CHRM3: variants seen among roughly 807,000 people sequenced by gnomAD.
CHRM3 encodes the protein cholinergic receptor muscarinic 3.
Under a neutral mutation model 41.8 loss-of-function variants are expected in CHRM3, and 11 were observed. The observed-to-expected ratio is 0.26, with a 90% confidence interval of 0.17 to 0.44. The LOEUF (loss-of-function observed/expected upper bound fraction) is 0.44, where lower values mean the gene tolerates loss of function less well. Among genes scored for constraint, CHRM3 ranks in the 20% least tolerant of loss-of-function variants. CHRM3 has a pLI of 1.00. For missense variants in CHRM3, 571 were observed against 745.4 expected (o/e 0.77, Z 2.72); for synonymous variants, 297 against 301.4 (o/e 0.99, Z 0.15).
At chr1:239,844,550 C>A (rs1445529499) in intron 6 of CHRM3, among the ~76,000 whole-genome samples, 4 of 152,142 alleles carry the variant, frequency 2.6e-5, no homozygotes, top group Non-Finnish European at 5.9e-5. Context: ...CAATAGATGA[C>A]ATTTTAACTC....
At chr1:239,561,251 G>C (rs1353029609) in intron 3 of CHRM3, among the ~76,000 whole-genome samples, 2 of 152,142 alleles carry the variant, frequency 1.3e-5, no homozygotes, top group Non-Finnish European at 2.9e-5. Context: ...ACACTCCTTT[G>C]CTTAAAATCC....
intron 5 of CHRM3, among the ~76,000 whole-genome samples, chr1:239,691,594 C>A (rs1659725188): frequency 6.6e-6 from 1 of 152,110 alleles, no homozygotes; most frequent in Non-Finnish European, 1.5e-5. Flanking sequence ...GGCCCTCACG[C>A]CTATCTGGAG....
intron 3 of CHRM3, among the ~76,000 whole-genome samples, chr1:239,589,324 T>A (rs1572815058): frequency 6.6e-6 from 1 of 152,064 alleles, no homozygotes; most frequent in East Asian, 2.0e-4. Flanking sequence ...ATTTAATATC[T>A]ACTACATCTC....
intron 2 of CHRM3, among the ~76,000 whole-genome samples, chr1:239,526,505 TG>T (rs1360244305): frequency 2.6e-5 from 4 of 152,256 alleles, no homozygotes; most frequent in African/African-American, 9.6e-5. Flanking sequence ...CTGGCCTGGG[TG>T]TCAGTATTTG....
chr1:239,457,685 C>T (rs1453230616), intron 1 of CHRM3, among the ~76,000 whole-genome samples: 1 of 152,134 alleles, frequency 6.6e-6, no homozygotes, highest in Non-Finnish European at 1.5e-5. Flanking sequence ...AGCAAGTTAC[C>T]TGTCTAGACT....
intron 6 of CHRM3, among the ~76,000 whole-genome samples, chr1:239,904,886 T>G (rs1215697558): frequency 1.3e-5 from 2 of 152,222 alleles, no homozygotes; most frequent in Non-Finnish European, 2.9e-5. Context: ...GGTGAACATG[T>G]GTACATGTAT....
intron 2 of CHRM3, among the ~76,000 whole-genome samples, chr1:239,522,111 C>T (rs1180412351): frequency 6.6e-6 from 1 of 152,176 alleles, no homozygotes; most frequent in Non-Finnish European, 1.5e-5. Context: ...TGTGTGTTCT[C>T]ATCTGTTGAA....
At chr1:239,764,298 A>C (rs1667032442) in intron 5 of CHRM3, among the ~76,000 whole-genome samples, 1 of 152,140 alleles carries the variant, frequency 6.6e-6, no homozygotes, top group Admixed American at 6.5e-5. Context: ...AATTTGGCCA[A>C]AAAGGGGAAT....
rs572683308 is a variant in CHRM3, at chr1:239,439,658, A to G, written c.-521+52431A>G. Reference sequence around the variant, plus strand: ...AACTGATCTTTAAGATCAAGATACCAGTTATTAAAGCTCCATTAAGTTTAA... The same window carrying G: ...AACTGATCTTTAAGATCAAGATACCGGTTATTAAAGCTCCATTAAGTTTAA... On this transcript the variant is annotated intron_variant, in intron 1 of 6. Coordinates refer to ENST00000676153, the MANE Select transcript of CHRM3 (RefSeq NM_001375978.1). Among the ~76,000 whole-genome samples, 12 of 152,322 alleles carry G rather than the reference A, an allele frequency of 7.9e-5. No individual in the cohort carries two copies. In the South Asian group the frequency reaches 2.5e-3, roughly 32 times the overall value.
At chr1:239,682,914 T>C (rs975090643) in intron 5 of CHRM3, among the ~76,000 whole-genome samples, 4 of 152,188 alleles carry the variant, frequency 2.6e-5, no homozygotes, top group African/African-American at 9.6e-5. Flanking sequence ...GATGTTTGGA[T>C]ACATGTGTAC....
At chr1:239,668,682 G>GGTTA (rs1345846944) in intron 4 of CHRM3, among the ~76,000 whole-genome samples, 1 of 152,106 alleles carries the variant, frequency 6.6e-6, no homozygotes, top group African/African-American at 2.4e-5. Flanking sequence ...TACCATTCTA[G>GGTTA]GTTAACATTA....
chr1:239,427,815 G>A (rs1662511236), intron 1 of CHRM3, among the ~76,000 whole-genome samples: 1 of 152,064 alleles, frequency 6.6e-6, no homozygotes, highest in Non-Finnish European at 1.5e-5. Context: ...TGAGGGAGTG[G>A]TTTTGCTGAA....
intron 1 of CHRM3, among the ~76,000 whole-genome samples, chr1:239,393,706 A>G (rs1659241220): frequency 6.6e-6 from 1 of 152,198 alleles, no homozygotes; most frequent in African/African-American, 2.4e-5. Context: ...GAAACTGAAA[A>G]TCGGTCTGAC....
chr1:239,911,797 G>T lies in CHRM3; in HGVS notation c.*2573G>T, dbSNP rs750564825. ...AAGCTGCATTTAAATACTATCTACT[G>T]ATTTTATAGAAAGGTATGTCCATTT... On this transcript the variant is annotated 3_prime_UTR_variant, in exon 7 of 7. Transcript: ENST00000676153. 6.0e-6 allele frequency: 1 copy of T among 166,814 alleles called. No homozygotes were observed. Among genetic ancestry groups the T allele is most frequent in the Non-Finnish European group, 1.5e-5 (1 of 68,114 alleles). 10.3% of individuals were successfully genotyped at this position (166,814 alleles called of 1,614,324 possible).
intron 4 of CHRM3, among the ~76,000 whole-genome samples, chr1:239,654,111 GCC>G (rs1672489137): frequency 6.6e-6 from 1 of 151,982 alleles, no homozygotes; most frequent in South Asian, 2.1e-4. Flanking sequence ...ACAGATGTGA[GCC>G]ACCACGCCTG....
chr1:239,833,711 C>T (rs1282369910), intron 6 of CHRM3, among the ~76,000 whole-genome samples: 1 of 152,170 alleles, frequency 6.6e-6, no homozygotes, highest in African/African-American at 2.4e-5. Context: ...AACAGATTCC[C>T]TGGTGGAGTC....
In CHRM3 at chr1:239,556,166, A is replaced by G. The variant is rs556362397; in HGVS notation, c.-313+10417A>G. ...TTTTCTTTCCATGAAGCACAGATTC[A>G]TGTTTGAAAACTTTTTACTGTTAGG... is the stretch of plus-strand genomic sequence containing the variant. On this transcript the variant is annotated intron_variant, in intron 3 of 6. Transcript: ENST00000676153. 1.5e-4 allele frequency among the ~76,000 whole-genome samples: 23 copies of G among 152,282 alleles called. No homozygotes were observed. The South Asian group carries it at 4.6e-3, about 30-fold the overall frequency.
intron 5 of CHRM3, among the ~76,000 whole-genome samples, chr1:239,802,052 T>C (rs996234356): frequency 3.9e-5 from 6 of 151,928 alleles, no homozygotes; most frequent in African/African-American, 1.5e-4. Flanking sequence ...AAAACAAACT[T>C]AGTTCTCTTC....
rs917411082 is a variant in CHRM3 at position 239,628,552 on chromosome 1, G to C, written c.-312-3672G>C. ...TTTGTTCCGTTGCTGGTGAGGAACT[G>C]CGTTCCTTTGGAGGAGGAGAGGCGC... On this transcript the variant is annotated intron_variant, in intron 3 of 6. Coordinates refer to ENST00000676153, the MANE Select transcript of CHRM3 (RefSeq NM_001375978.1). 2.9e-5 allele frequency among the ~76,000 whole-genome samples: 2 copies of C among 69,244 alleles called. 1 individual carries two copies. Among genetic ancestry groups the C allele is most frequent in the Non-Finnish European group, 5.0e-5 (2 of 40,052 alleles). 45.4% of individuals were successfully genotyped at this position (69,244 alleles called of 152,430 possible). A position where few individuals can be genotyped will look rare whatever the true frequency, so the allele number is the denominator to read the frequency against.
Sources: allele counts gnomAD v4.1 joint callset (sites outside exome capture counted in the v4.1 genomes callset), GRCh38; gene constraint gnomAD v4.1.1; transcripts MANE v1.5; gene names NCBI Gene and HGNC (gene_info 2026-07-23, HGNC 2026-07-21).